MTUS2: variants seen among roughly 807,000 people sequenced by gnomAD.
MTUS2 encodes the protein microtubule associated scaffold protein 2.
Under a neutral mutation model 114.1 loss-of-function variants are expected in MTUS2, and 40 were observed. That is an observed-to-expected ratio of 0.35 (90% CI 0.27 to 0.46). The LOEUF (loss-of-function observed/expected upper bound fraction) is 0.46. Among genes scored for constraint, MTUS2 ranks in the 20% least tolerant of loss-of-function variants. MTUS2 has a pLI of 1.00. For missense variants in MTUS2, 1,679 were observed against 1,705.4 expected (o/e 0.98, Z 0.27); for synonymous variants, 688 against 672.0 (o/e 1.02, Z -0.37).
chr13:29,100,609 G>A (rs1193063409), intron 4 of MTUS2, among the ~76,000 whole-genome samples, 164 bp from the exon 5 acceptor site: 1 of 151,984 alleles, frequency 6.6e-6, no homozygotes, highest in Non-Finnish European at 1.5e-5. Flanking sequence ...CAATATAAGG[G>A]GCCTTTCTCT....
intron 5 of MTUS2, among the ~76,000 whole-genome samples, chr13:29,258,938 A>G (rs1376044719): frequency 6.6e-6 from 1 of 152,192 alleles, no homozygotes; most frequent in African/African-American, 2.4e-5. Context: ...CCCTTCAGCC[A>G]TGTGTTCAGA....
intron 5 of MTUS2, among the ~76,000 whole-genome samples, chr13:29,136,070 CT>C (rs763803142): frequency 1.3e-5 from 2 of 152,114 alleles, no homozygotes; most frequent in African/African-American, 2.4e-5. Flanking sequence ...GTAATACTAG[CT>C]TTTATAATTG....
intron 3 of MTUS2, among the ~76,000 whole-genome samples, chr13:29,031,791 C>T (rs1886841648): frequency 6.6e-6 from 1 of 151,960 alleles, no homozygotes; most frequent in Non-Finnish European, 1.5e-5. Flanking sequence ...TTAACCATCC[C>T]AGACACCCTT....
At chr13:29,204,702 C>T (rs181141810) in intron 5 of MTUS2, among the ~76,000 whole-genome samples, 301 of 152,356 alleles carry the variant, frequency 2.0e-3, no homozygotes, top group African/African-American at 2.5e-3. Context: ...GGTAGCCGCC[C>T]ATGACAGCAG....
At chr13:29,477,263 T>C (rs1311652410) in intron 9 of MTUS2, among the ~76,000 whole-genome samples, 1 of 152,240 alleles carries the variant, frequency 6.6e-6, no homozygotes, top group Non-Finnish European at 1.5e-5. Context: ...CATTCTATGG[T>C]CTTTGTTCTA....
chr13:29,152,854 T>C (rs541963713), intron 5 of MTUS2, among the ~76,000 whole-genome samples: 7 of 152,272 alleles, frequency 4.6e-5, no homozygotes, highest in Non-Finnish European at 7.4e-5. Context: ...GGAGAGTGGA[T>C]TACATAAGGA....
intron 5 of MTUS2, among the ~76,000 whole-genome samples, chr13:29,214,754 T>C (rs1048344647): frequency 1.9e-4 from 29 of 152,204 alleles, no homozygotes; most frequent in African/African-American, 7.0e-4. Flanking sequence ...GGCCTTCCTT[T>C]GTAGGTAACC....
intron 5 of MTUS2, among the ~76,000 whole-genome samples, chr13:29,193,424 A>G (rs1187936280): frequency 6.6e-6 from 1 of 152,162 alleles, no homozygotes; most frequent in Admixed American, 6.5e-5. Flanking sequence ...TCAATGTACA[A>G]AAATCACAGG....
intron 2 of MTUS2, among the ~76,000 whole-genome samples, chr13:29,001,749 T>A (rs1397253434): frequency 2.6e-5 from 4 of 152,068 alleles, no homozygotes; most frequent in African/African-American, 7.2e-5. Flanking sequence ...AAGGTAAGGA[T>A]ATTGAGTTGG....
At chr13:29,201,337 T>G (rs1593594896) in intron 5 of MTUS2, among the ~76,000 whole-genome samples, 1 of 107,186 alleles carries the variant, frequency 9.3e-6, no homozygotes. Flanking sequence ...GCAACCCCTG[T>G]TTTTTTTTTT....
At position 29,469,583 on chromosome 13, in the gene MTUS2, C is replaced by T. The variant is rs375627133; in HGVS notation, c.3185-10567C>T. Among the ~76,000 whole-genome samples the T allele has an allele frequency of 8.8e-4, 132 of 150,554 alleles. 1 individual carries two copies. Among genetic ancestry groups the T allele is most frequent in the African/African-American group, 2.8e-3 (113 of 40,882 alleles). On this transcript the variant is annotated intron_variant, in intron 9 of 15. Transcript: ENST00000612955. ...CAGAAGTTGCAGTGAGCCAAGATCG[C>T]GCCACTGCACTCCAGCCTGGGCAAC...
chr13:29,491,885 G>GTGTA (rs1882141579), intron 11 of MTUS2, among the ~76,000 whole-genome samples: 1 of 146,916 alleles, frequency 6.8e-6, no homozygotes, highest in Non-Finnish European at 1.5e-5. Context: ...TGTGGTGGGT[G>GTGTA]TGTATGTGTG....
At chr13:28,885,173 C>T (rs965152380) in intron 2 of MTUS2, among the ~76,000 whole-genome samples, 1 of 152,104 alleles carries the variant, frequency 6.6e-6, no homozygotes, top group Non-Finnish European at 1.5e-5. Context: ...TTTTATCTTG[C>T]TCTGCAGTGA....
intron 8 of MTUS2, among the ~76,000 whole-genome samples, chr13:29,421,418 C>T (rs1235210793): frequency 1.3e-5 from 2 of 152,174 alleles, no homozygotes; most frequent in Non-Finnish European, 2.9e-5. Context: ...ATGGTTTTCT[C>T]TTGAAATAAA....
rs766436287 is a variant in MTUS2 at position 29,492,690 on chromosome 13, A to G, written c.3550A>G (p.Asn1184Asp). Reference protein sequence around the residue: ...HELEKKELEENFEKLRLSLQD... With the variant: ...HELEKKELEEDFEKLRLSLQD... ...GCTTGAAAAGAAAGAATTGGAAGAA[A>G]ATTTTGAAAAACTGCGGCTGTCATT... Residue 1184 changes from asparagine to aspartate, a missense_variant, in exon 12 of 16, where the codon AAT (asparagine) becomes GAT (aspartate). Asn to Asp is a conservative substitution (Grantham distance 23). Around this residue, in one of 3 missense-constraint regions of MTUS2, gnomAD observed 822 missense variants for 899.7 expected, o/e 0.91. Transcript: ENST00000612955. 6.2e-7 allele frequency: 1 copy of G among 1,613,600 alleles called. No homozygotes were observed. The highest frequency in any genetic ancestry group is 8.5e-7 in the Non-Finnish European group (1 of 1,179,744).
intron 5 of MTUS2, among the ~76,000 whole-genome samples, chr13:29,112,758 A>G (rs891191237): frequency 2.0e-5 from 3 of 152,336 alleles, no homozygotes; most frequent in Admixed American, 2.0e-4. Context: ...AGGTACAGCC[A>G]TGAAGACAGA....
chr13:29,048,353 T>G (rs180908058), intron 4 of MTUS2, among the ~76,000 whole-genome samples: 4 of 152,368 alleles, frequency 2.6e-5, no homozygotes, highest in Admixed American at 6.5e-5. Context: ...TTGGTCAGTT[T>G]CAATTGATTG....
intron 2 of MTUS2, among the ~76,000 whole-genome samples, chr13:28,962,442 C>T (rs562545468): frequency 1.4e-4 from 21 of 152,282 alleles, no homozygotes; most frequent in Admixed American, 7.2e-4. Flanking sequence ...GCTGTATTCT[C>T]TCCTGAATTG....
chr13:29,070,633 T>C (rs1888874333), intron 4 of MTUS2, among the ~76,000 whole-genome samples: 1 of 152,060 alleles, frequency 6.6e-6, no homozygotes, highest in Non-Finnish European at 1.5e-5. Context: ...AGAATGTGTG[T>C]CAGAGAGAGA....
Sources: gnomAD v4.1 joint callset for allele counts (sites outside exome capture counted in the v4.1 genomes callset) on GRCh38, gnomAD v4.1.1 for gene constraint, gnomAD v4.1.1 regional missense constraint, MANE v1.5 for transcripts, NCBI Gene and HGNC (gene_info 2026-07-23, HGNC 2026-07-21) for gene names.